The following NEK6 variants were observed in gnomAD, a reference collection of about 807,000 sequenced individuals.
The protein encoded by NEK6 is serine/threonine-protein kinase Nek6.
In NEK6, 27 loss-of-function variants were observed where a neutral mutation model predicts 43.5. The observed-to-expected ratio is 0.62, with a 90% confidence interval of 0.46 to 0.86. The LOEUF (loss-of-function observed/expected upper bound fraction) is 0.86, where lower values mean the gene tolerates loss of function less well. Among genes scored for constraint, NEK6 ranks in the 40% least tolerant of loss-of-function variants. The pLI, the probability that NEK6 is intolerant of heterozygous loss-of-function variation, is 0.00. For missense variants in NEK6, 318 were observed against 414.4 expected (o/e 0.77, Z 2.02); for synonymous variants, 167 against 164.1 (o/e 1.02, Z -0.14).
chr9:124,320,334 TG>T (rs1834004981), intron 4 of NEK6, among the ~76,000 whole-genome samples: 1 of 152,078 alleles, frequency 6.6e-6, no homozygotes, highest in Non-Finnish European at 1.5e-5. Context: ...GGCCCACACA[TG>T]GGGGGCTGGC....
At chr9:124,342,237 G>A (rs966929879) in intron 8 of NEK6, among the ~76,000 whole-genome samples, 2 of 152,230 alleles carry the variant, frequency 1.3e-5, no homozygotes, top group Non-Finnish European at 2.9e-5. Flanking sequence ...TCGTTCACCC[G>A]GTGTCAGATC....
At chr9:124,290,905 C>T (rs1713626388) in intron 1 of NEK6, among the ~76,000 whole-genome samples, 1 of 152,218 alleles carries the variant, frequency 6.6e-6, no homozygotes, top group African/African-American at 2.4e-5. Context: ...GTAGCAGTTC[C>T]AGGGCCTGCT....
At chr9:124,302,583 C>T (rs911431364) in intron 2 of NEK6, among the ~76,000 whole-genome samples, 1 of 152,236 alleles carries the variant, frequency 6.6e-6, no homozygotes, top group Non-Finnish European at 1.5e-5. Context: ...CCTTGGAGAG[C>T]CAGGCAGCCT....
At position 124,350,917 on chromosome 9, in the gene NEK6, G is replaced by A. The variant is rs780352290; in HGVS notation, c.912G>A (p.Lys304=). The A allele has an allele frequency of 6.2e-7, 1 of 1,610,628 alleles. No individual in the cohort carries two copies. Among genetic ancestry groups the A allele is most frequent in the Non-Finnish European group, 8.5e-7 (1 of 1,179,836 alleles). ...PDIGYVHQVA[K]QMHIWMSST ...TCGGATACGTGCACCAGGTGGCCAA[G>A]CAGATGCACATCTGGATGTCCAGCA... is the stretch of plus-strand genomic sequence containing the variant. The change falls in exon 10 of 10, where the codon AAG becomes AAA. Residue 304 remains lysine (K), a synonymous_variant. Transcript: ENST00000320246.
At chr9:124,315,447 C>T (rs879913495) in intron 4 of NEK6, among the ~76,000 whole-genome samples, 26 of 152,204 alleles carry the variant, frequency 1.7e-4, no homozygotes, top group Admixed American at 9.8e-4. Flanking sequence ...TGGTGGCCCC[C>T]GGCCACAGTG....
At chr9:124,287,971 G>A (rs530805276) in intron 1 of NEK6, among the ~76,000 whole-genome samples, 2 of 152,356 alleles carry the variant, frequency 1.3e-5, no homozygotes, top group African/African-American at 4.8e-5. Flanking sequence ...GACAGTGGGG[G>A]AGGGGGCCAG....
intron 1 of NEK6, among the ~76,000 whole-genome samples, chr9:124,295,340 C>G (rs1832635395): frequency 6.6e-6 from 1 of 152,330 alleles, no homozygotes; most frequent in South Asian, 2.1e-4. Flanking sequence ...TGACAGGCCC[C>G]CATGACTCTG....
chr9:124,285,056 TCAG>T (rs1832092063), intron 1 of NEK6, among the ~76,000 whole-genome samples: 1 of 152,182 alleles, frequency 6.6e-6, no homozygotes, highest in African/African-American at 2.4e-5. Flanking sequence ...GGAAAACACA[TCAG>T]CAGATTGTTT....
chr9:124,336,507 G>C (rs1221488765), intron 7 of NEK6, among the ~76,000 whole-genome samples: 1 of 152,122 alleles, frequency 6.6e-6, no homozygotes, highest in Non-Finnish European at 1.5e-5. Flanking sequence ...CCTCGGCCCG[G>C]TGCCTTCTGA....
At chr9:124,292,954 A>G (rs1053194011) in intron 1 of NEK6, 1 of 1,571,452 alleles carries the variant, frequency 6.4e-7, no homozygotes, top group South Asian at 1.2e-5. Context: ...CCCAGGAGAG[A>G]AGTTTGCTGG....
rs61223297 is a variant in NEK6, at chr9:124,326,202, T to TCCCCCCCCCCCCCCCCCCCCCCCC, written c.406-117_406-116insCCCCCCCCCCCCCCCCCCCCCCCC. ...GCTTATTGTTTGCTCAGTGGCTCAA[T>TCCCCCCCCCCCCCCCCCCCCCCCC]CCCCCCCCCCCGCCCCTGCCAGGCA... On this transcript the variant is annotated intron_variant, in intron 5 of 9. Transcript: ENST00000320246. The surrounding 1 kb of genome is among the most constrained non-coding windows in gnomAD (Gnocchi z 4.5). 1.6e-3 allele frequency: 198 copies of TCCCCCCCCCCCCCCCCCCCCCCCC among 125,214 alleles called. 53 individuals carry two copies. Among genetic ancestry groups the TCCCCCCCCCCCCCCCCCCCCCCCC allele is most frequent in the South Asian group, 2.7e-3 (42 of 15,398 alleles). The allele number at this position is 125,214 out of a possible 1,614,324, so 7.8% of individuals were successfully genotyped here.
chr9:124,320,193 C>G (rs1212792201), intron 4 of NEK6, among the ~76,000 whole-genome samples: 6 of 152,184 alleles, frequency 3.9e-5, no homozygotes, highest in Non-Finnish European at 7.4e-5. Context: ...TGGTCCAGAG[C>G]AGGGGTTTGA....
Position 124,326,679 on chromosome 9 carries a change from G to C in NEK6, c.514+241G>C, listed in dbSNP as rs1834356295. ...GGCCCCGCTTGGCACACCACTTCCA[G>C]TTCCCCACAGCAGCCTGGGAGGGAG... On this transcript the variant is annotated intron_variant, in intron 6 of 9. Coordinates refer to ENST00000320246, the MANE Select transcript of NEK6 (RefSeq NM_014397.6). The surrounding 1 kb of genome is among the most constrained non-coding windows in gnomAD (Gnocchi z 4.5). Among the ~76,000 whole-genome samples, 1 of 152,208 alleles carries C rather than the reference G, an allele frequency of 6.6e-6. No homozygotes were observed. Among genetic ancestry groups the C allele is most frequent in the South Asian group, 2.1e-4 (1 of 4,838 alleles).
chr9:124,322,655 C>T (rs12335737), intron 5 of NEK6, among the ~76,000 whole-genome samples: 11,702 of 152,288 alleles, frequency 0.077, 734 homozygotes, highest in East Asian at 0.31. Flanking sequence ...GTCCCCAGGG[C>T]CCTGCTGTGG....
chr9:124,263,338 C>T (rs1334629743), intron 1 of NEK6, among the ~76,000 whole-genome samples: 1 of 152,176 alleles, frequency 6.6e-6, no homozygotes, highest in Non-Finnish European at 1.5e-5. Flanking sequence ...GAGCAAGGCG[C>T]TCCCCCACAG....
In NEK6 at chr9:124,265,135, G is replaced by C. The variant is rs554848185; in HGVS notation, c.-30+7050G>C. 1.0e-3 allele frequency among the ~76,000 whole-genome samples: 156 copies of C among 152,324 alleles called. 2 individuals are homozygous for C. The highest frequency in any genetic ancestry group is 3.9e-3 in the Admixed American group (60 of 15,296). On this transcript the variant is annotated intron_variant, in intron 1 of 9. Transcript: ENST00000320246. Reference sequence around the variant, plus strand: ...GGGTGACGCAGACGTTTTGGAACCGGATGAAGGTGGTGGTTGCACAACATT... The same window carrying C: ...GGGTGACGCAGACGTTTTGGAACCGCATGAAGGTGGTGGTTGCACAACATT...
chr9:124,306,671 G>A (rs1323022654), intron 2 of NEK6, among the ~76,000 whole-genome samples: 1 of 152,208 alleles, frequency 6.6e-6, no homozygotes, highest in Non-Finnish European at 1.5e-5. Context: ...TGCCGCTTTG[G>A]GCAGCTAGAT....
At chr9:124,325,859 T>TG (rs1421067205) in intron 5 of NEK6, among the ~76,000 whole-genome samples, 1 of 152,138 alleles carries the variant, frequency 6.6e-6, no homozygotes, top group Non-Finnish European at 1.5e-5. Flanking sequence ...TCCGAGGAGA[T>TG]GGGGGCAGCT....
chr9:124,330,982 G>A (rs1444383109), intron 7 of NEK6, among the ~76,000 whole-genome samples: 1 of 152,076 alleles, frequency 6.6e-6, no homozygotes, highest in African/African-American at 2.4e-5. Flanking sequence ...TTTTTCGTTG[G>A]CCAGGCGTGG....
Sources: gnomAD v4.1 joint callset for allele counts (sites outside exome capture counted in the v4.1 genomes callset) on GRCh38, gnomAD v4.1.1 for gene constraint, Gnocchi (gnomAD v3.1) non-coding constraint, MANE v1.5 for transcripts, NCBI Gene and HGNC (gene_info 2026-07-23, HGNC 2026-07-21) for gene names.